The following ADK variants were observed in gnomAD, a reference collection of about 807,000 sequenced individuals.
ADK encodes the protein N6,N6-dimethyladenosine kinase.
In ADK, 24 loss-of-function variants were observed where a neutral mutation model predicts 44.7. That is an observed-to-expected ratio of 0.54 (90% CI 0.39 to 0.76). ADK has a LOEUF of 0.76. ADK is among the 30% of genes least tolerant of loss of function. The probability of loss-of-function intolerance (pLI) is 0.00; values close to 1 mark genes in which losing one functional copy is unlikely to be tolerated. For missense variants in ADK, 321 were observed against 425.1 expected (o/e 0.76, Z 2.15); for synonymous variants, 128 against 142.6 (o/e 0.90, Z 0.73).
intron 6 of ADK, among the ~76,000 whole-genome samples, chr10:74,515,214 T>G (rs1351294926): frequency 6.6e-6 from 1 of 152,252 alleles, no homozygotes; most frequent in South Asian, 2.1e-4. Flanking sequence ...TTTTGTAGTC[T>G]CTGAGTAATT....
chr10:74,502,342 A>G (rs1181871569), intron 6 of ADK, among the ~76,000 whole-genome samples: 1 of 152,134 alleles, frequency 6.6e-6, no homozygotes, highest in Non-Finnish European at 1.5e-5. Flanking sequence ...TGTGCCACAT[A>G]TAAGAAATGT....
intron 6 of ADK, among the ~76,000 whole-genome samples, chr10:74,430,570 C>T (rs538953901): frequency 5.3e-5 from 8 of 151,894 alleles, no homozygotes; most frequent in African/African-American, 9.7e-5. Context: ...GCCTGGTCAA[C>T]GTAGCAAGAC....
rs112418691 is a variant in ADK at position 74,580,648 on chromosome 10, C to T, written c.727-8634C>T. Among the ~76,000 whole-genome samples the T allele has an allele frequency of 6.6e-5, 10 of 151,942 alleles. No homozygotes were observed. In the East Asian group the frequency reaches 9.7e-4, roughly 15 times the overall value. ...CTGCTGTCATCCATGTAAGATGTGA[C>T]GTGCTCCTCCTTGCCTTCTGCCATG... On this transcript the variant is annotated intron_variant, in intron 7 of 10. Coordinates refer to ENST00000539909, the MANE Select transcript of ADK (RefSeq NM_006721.4).
chr10:74,455,828 C>T (rs1215290952), intron 6 of ADK, among the ~76,000 whole-genome samples: 2 of 152,082 alleles, frequency 1.3e-5, no homozygotes. Flanking sequence ...ATATTGGCTC[C>T]CACTCTCTTC....
chr10:74,392,844 T>G (rs1475781314), intron 4 of ADK, among the ~76,000 whole-genome samples: 2 of 152,144 alleles, frequency 1.3e-5, no homozygotes, highest in East Asian at 1.9e-4. Context: ...GAAATTACTT[T>G]GTATAGAAGG....
chr10:74,276,010 A>G (rs1159665331), intron 3 of ADK, among the ~76,000 whole-genome samples: 1 of 152,134 alleles, frequency 6.6e-6, no homozygotes, highest in Non-Finnish European at 1.5e-5. Flanking sequence ...GCTGGGCACA[A>G]ATTGTCTTTG....
chr10:74,193,254 CT>C (rs200633208), intron 1 of ADK, among the ~76,000 whole-genome samples: 3,023 of 150,162 alleles, frequency 0.02, 43 homozygotes, highest in Non-Finnish European at 0.026. Flanking sequence ...CTTTTTTTTT[CT>C]TTTTTTTATT....
chr10:74,329,200 A>G (rs1263749058), intron 4 of ADK, among the ~76,000 whole-genome samples: 2 of 149,048 alleles, frequency 1.3e-5, no homozygotes, highest in African/African-American at 4.9e-5. Flanking sequence ...TCACTCTGCC[A>G]TATTTTTTAA....
chr10:74,334,621 C>T (rs182743069), intron 4 of ADK, among the ~76,000 whole-genome samples: 19 of 152,270 alleles, frequency 1.2e-4, no homozygotes, highest in Admixed American at 5.9e-4. Flanking sequence ...AAAATCAAAT[C>T]CCAGTCTCCA....
At chr10:74,589,142 C>T (rs1851629649) in intron 7 of ADK, 140 bp from the exon 8 acceptor site, 1 of 724,866 alleles carries the variant, frequency 1.4e-6, no homozygotes, top group African/African-American at 1.8e-5. Context: ...ATCTTTATTG[C>T]TGTAAGAATA....
At chr10:74,356,331 G>T (rs1011620610) in intron 4 of ADK, among the ~76,000 whole-genome samples, 2 of 151,928 alleles carry the variant, frequency 1.3e-5, no homozygotes, top group Non-Finnish European at 2.9e-5. Flanking sequence ...AATTCATATT[G>T]TTAATACCTC....
At chr10:74,486,379 G>A (rs920893695) in intron 6 of ADK, among the ~76,000 whole-genome samples, 47 of 152,100 alleles carry the variant, frequency 3.1e-4, no homozygotes, top group African/African-American at 1.0e-3. Context: ...CTTTATAACC[G>A]TGTGAGAACA....
intron 9 of ADK, among the ~76,000 whole-genome samples, chr10:74,606,434 G>A (rs577930280): frequency 6.6e-6 from 1 of 151,506 alleles, no homozygotes; most frequent in South Asian, 2.1e-4. Context: ...GATTCGTTGG[G>A]TCTCTGTTCT....
chr10:74,538,280 T>C lies in ADK; in HGVS notation c.726+12854T>C, dbSNP rs139490921. ...CAAAAAAAAAAAAAAAGGTAATGTA[T>C]TGCTCTGCTTCATCAGTCCTTTTGC... On this transcript the variant is annotated intron_variant, in intron 7 of 10. Transcript: ENST00000539909. Among the ~76,000 whole-genome samples the C allele has an allele frequency of 2.6e-5, 4 of 152,044 alleles. No individual in the cohort carries two copies. In the East Asian group the frequency reaches 7.7e-4, roughly 29 times the overall value.
intron 6 of ADK, among the ~76,000 whole-genome samples, chr10:74,475,567 G>C (rs537809988): frequency 8.3e-4 from 126 of 151,754 alleles, no homozygotes; most frequent in Non-Finnish European, 1.4e-3. Context: ...AATTAGCCAG[G>C]CATAGTGACA....
chr10:74,491,046 T>C (rs1387250750), intron 6 of ADK, among the ~76,000 whole-genome samples: 1 of 152,172 alleles, frequency 6.6e-6, no homozygotes, highest in Non-Finnish European at 1.5e-5. Flanking sequence ...CCACCTAAAA[T>C]ACTAGCCCTA....
At chr10:74,181,518 TA>T (rs2132084242) in intron 1 of ADK, among the ~76,000 whole-genome samples, 1 of 152,332 alleles carries the variant, frequency 6.6e-6, no homozygotes, top group Admixed American at 6.5e-5. Flanking sequence ...TTTGTCATTT[TA>T]AATTGGCCCA....
chr10:74,472,814 G>A (rs1298768720), intron 6 of ADK, among the ~76,000 whole-genome samples: 1 of 152,140 alleles, frequency 6.6e-6, no homozygotes, highest in Non-Finnish European at 1.5e-5. Flanking sequence ...TGATATGACA[G>A]TGTTTTTTCC....
chr10:74,328,629 A>C (rs1230131905), intron 4 of ADK, among the ~76,000 whole-genome samples: 2 of 152,096 alleles, frequency 1.3e-5, no homozygotes, highest in Admixed American at 1.3e-4. Flanking sequence ...GTAAGTTCTT[A>C]CAAATCTGAT....
Sources: gnomAD v4.1 joint callset for allele counts (sites outside exome capture counted in the v4.1 genomes callset) on GRCh38, gnomAD v4.1.1 for gene constraint, MANE v1.5 for transcripts, NCBI Gene and HGNC (gene_info 2026-07-23, HGNC 2026-07-21) for gene names.